The following RBFOX1 variants were observed in gnomAD, a reference collection of about 807,000 sequenced individuals.
The protein encoded by RBFOX1 is RNA binding protein fox-1 homolog 1.
A neutral mutation model predicts 57.7 loss-of-function variants in RBFOX1; 8 were observed. The ratio of observed to expected loss-of-function variants is 0.14; its 90% CI spans 0.08 to 0.25. The LOEUF is 0.25. Ranked by LOEUF, RBFOX1 falls within the 10% of genes least tolerant of loss-of-function variation. The pLI, the probability that RBFOX1 is intolerant of heterozygous loss-of-function variation, is 1.00. For synonymous variants in RBFOX1, 326 were observed against 222.4 expected (o/e 1.47, Z -4.15); for missense variants, 611 against 548.5 (o/e 1.11, Z -1.14).
chr16:6,068,291 C>T (rs2095793107), intron 1 of RBFOX1, among the ~76,000 whole-genome samples: 1 of 152,146 alleles, frequency 6.6e-6, no homozygotes, highest in Non-Finnish European at 1.5e-5. Flanking sequence ...AGGAATGTGG[C>T]AGGCCAGGTC....
intron 3 of RBFOX1, among the ~76,000 whole-genome samples, chr16:6,995,290 T>TTTTG (rs2092084466): frequency 7.2e-6 from 1 of 138,328 alleles, no homozygotes; most frequent in African/African-American, 2.7e-5. Context: ...GAAAGTAGCC[T>TTTTG]TGTGTGTGTG....
At chr16:7,631,751 C>G (rs1327207750) in intron 11 of RBFOX1, among the ~76,000 whole-genome samples, 3 of 152,126 alleles carry the variant, frequency 2.0e-5, no homozygotes, top group Non-Finnish European at 4.4e-5. Flanking sequence ...CGTGCCAAAA[C>G]CAAACATCTT....
intron 3 of RBFOX1, among the ~76,000 whole-genome samples, chr16:6,729,881 G>C (rs753582699): frequency 4.6e-5 from 7 of 152,078 alleles, no homozygotes; most frequent in Non-Finnish European, 8.8e-5. Context: ...TTAGAAACGA[G>C]AATGGCCCAG....
chr16:5,615,260 G>T (rs988962002), intron 3 of RBFOX1, among the ~76,000 whole-genome samples: 2 of 152,100 alleles, frequency 1.3e-5, no homozygotes, highest in Admixed American at 6.6e-5. Flanking sequence ...CTAATTCCTG[G>T]ACTCAATTGA....
At chr16:6,037,324 A>G (rs1419428822) in intron 1 of RBFOX1, 1 of 152,202 alleles carries the variant, frequency 6.6e-6, no homozygotes. Context: ...TCCAAGAATG[A>G]AAGCCGTGTG....
chr16:5,271,541 C>A (rs1013364834), intron 1 of RBFOX1, among the ~76,000 whole-genome samples: 1 of 152,194 alleles, frequency 6.6e-6, no homozygotes, highest in Non-Finnish European at 1.5e-5. Flanking sequence ...GAGGTCATGG[C>A]GACGCAGGTT....
At chr16:6,808,531 C>A (rs753707879) in intron 3 of RBFOX1, among the ~76,000 whole-genome samples, 14 of 152,072 alleles carry the variant, frequency 9.2e-5, no homozygotes, top group Non-Finnish European at 1.8e-4. Context: ...TTAAGAGGGA[C>A]AGGTTTGCAT....
At chr16:5,877,436 A>G (rs187753606) in intron 4 of RBFOX1, among the ~76,000 whole-genome samples, 1 of 152,346 alleles carries the variant, frequency 6.6e-6, no homozygotes, top group African/African-American at 2.4e-5. Flanking sequence ...GTGAATACCT[A>G]GAGGGGGCTG....
intron 4 of RBFOX1, among the ~76,000 whole-genome samples, chr16:5,935,810 A>G (rs2059156553): frequency 6.6e-6 from 1 of 152,200 alleles, no homozygotes; most frequent in African/African-American, 2.4e-5. Flanking sequence ...TGGCTAGTTT[A>G]TCTCTTGTGC....
chr16:7,517,979 T>C (rs1316595643), intron 4 of RBFOX1, among the ~76,000 whole-genome samples, 168 bp from the exon 5 acceptor site: 1 of 152,104 alleles, frequency 6.6e-6, no homozygotes, highest in African/African-American at 2.4e-5. Flanking sequence ...TGTTTCCTTA[T>C]AGGGTCTGGT....
At chr16:6,970,092 G>A (rs549746839) in intron 3 of RBFOX1, among the ~76,000 whole-genome samples, 1 of 152,064 alleles carries the variant, frequency 6.6e-6, no homozygotes, top group African/African-American at 2.4e-5. Flanking sequence ...GCAGGAAGAT[G>A]ATTTGAGCCT....
intron 4 of RBFOX1, among the ~76,000 whole-genome samples, chr16:7,279,213 G>A (rs2141088612): frequency 6.6e-6 from 1 of 151,682 alleles, no homozygotes; most frequent in East Asian, 1.9e-4. Context: ...CACAGAGGAA[G>A]CTTCAGTGTA....
Position 7,184,409 on chromosome 16 carries a change from G to C in RBFOX1, c.27+132311G>C, listed in dbSNP as rs2083314220. 2.0e-5 allele frequency among the ~76,000 whole-genome samples: 3 copies of C among 152,196 alleles called. 1 individual carries two copies. The South Asian group carries it at 6.2e-4, about 32-fold the overall frequency. ...GTAGAAGTCTAGGGGATACATGATG[G>C]TGGTTATAGCATATCCACAAACACC... On this transcript the variant is annotated intron_variant, in intron 4 of 15. Coordinates refer to ENST00000550418, the MANE Select transcript of RBFOX1 (RefSeq NM_018723.4).
chr16:5,535,252 A>G (rs545553860), intron 2 of RBFOX1, among the ~76,000 whole-genome samples: 49 of 152,336 alleles, frequency 3.2e-4, no homozygotes, highest in African/African-American at 1.2e-3. Context: ...TGAACAGCTC[A>G]TCAACTCCAA....
intron 4 of RBFOX1, among the ~76,000 whole-genome samples, chr16:7,223,727 A>G (rs925919343): frequency 9.3e-5 from 14 of 151,308 alleles, no homozygotes; most frequent in African/African-American, 1.7e-4. Context: ...AAAAAAAAAA[A>G]AAAAGAAAAA....
chr16:7,632,964 C>T (rs541841627), intron 11 of RBFOX1, among the ~76,000 whole-genome samples: 2 of 152,184 alleles, frequency 1.3e-5, no homozygotes. Flanking sequence ...GGGGAAGCAT[C>T]TCTCACATCA....
chr16:7,182,185 G>A (rs949197751), intron 4 of RBFOX1, among the ~76,000 whole-genome samples: 1 of 152,132 alleles, frequency 6.6e-6, no homozygotes, highest in African/African-American at 2.4e-5. Flanking sequence ...TAGGGTCAGA[G>A]ACTTTGGAGA....
At chr16:7,440,275 C>G (rs533571755) in intron 4 of RBFOX1, among the ~76,000 whole-genome samples, 17 of 152,214 alleles carry the variant, frequency 1.1e-4, no homozygotes, top group African/African-American at 3.9e-4. Flanking sequence ...AGTTTGTTAT[C>G]CCAGCCACAG....
chr16:5,576,847 A>G (rs1251278515), intron 2 of RBFOX1, among the ~76,000 whole-genome samples: 1 of 152,240 alleles, frequency 6.6e-6, no homozygotes, highest in Admixed American at 6.5e-5. Flanking sequence ...AACTAAATAA[A>G]TAGAGGGAAG....
Sources: allele counts gnomAD v4.1 joint callset (sites outside exome capture counted in the v4.1 genomes callset), GRCh38; gene constraint gnomAD v4.1.1; transcripts MANE v1.5; gene names NCBI Gene and HGNC (gene_info 2026-07-23, HGNC 2026-07-21).